SATB2: variants seen among roughly 807,000 people sequenced by gnomAD.
The protein encoded by SATB2 is SATB homeobox 2.
Under a neutral mutation model 73.4 loss-of-function variants are expected in SATB2, and 1 was observed. The ratio of observed to expected loss-of-function variants is 0.01; its 90% CI spans 0.00 to 0.06. The LOEUF (loss-of-function observed/expected upper bound fraction) is 0.06. Among genes scored for constraint, SATB2 ranks in the 10% least tolerant of loss-of-function variants. SATB2 has a pLI of 1.00. For missense variants in SATB2, 459 were observed against 945.8 expected (o/e 0.49, Z 6.75); for synonymous variants, 397 against 367.0 (o/e 1.08, Z -0.93).
intron 10 of SATB2, among the ~76,000 whole-genome samples, chr2:199,303,228 CT>C (rs1258094062): frequency 6.6e-6 from 1 of 152,272 alleles, no homozygotes; most frequent in East Asian, 1.9e-4. Context: ...AATTTCTCAT[CT>C]GTGAAAGTAT....
intron 2 of SATB2, among the ~76,000 whole-genome samples, chr2:199,454,947 C>T (rs1287699161): frequency 6.6e-6 from 1 of 151,926 alleles, no homozygotes; most frequent in Admixed American, 6.6e-5. Context: ...AGAGAAAAAA[C>T]GTTAGAGGCA....
intron 2 of SATB2, among the ~76,000 whole-genome samples, chr2:199,436,607 C>T (rs1311234473): frequency 6.6e-6 from 1 of 151,866 alleles, no homozygotes; most frequent in Non-Finnish European, 1.5e-5. Flanking sequence ...TTTGACCCAT[C>T]TAAACAATTA....
intron 7 of SATB2, among the ~76,000 whole-genome samples, chr2:199,338,530 G>A (rs1688405717): frequency 6.6e-6 from 1 of 152,138 alleles, no homozygotes; most frequent in Non-Finnish European, 1.5e-5. Flanking sequence ...CTTACCAAAA[G>A]TGAGTTTTCT....
At chr2:199,323,661 T>A in intron 9 of SATB2, 142 bp downstream of exon 9, 1 of 967,024 alleles carries the variant, frequency 1.0e-6, no homozygotes, top group Non-Finnish European at 1.6e-6. Flanking sequence ...AAAAGCAAAC[T>A]AGAGTAAAAG....
At chr2:199,453,234 A>G (rs1263068017) in intron 2 of SATB2, among the ~76,000 whole-genome samples, 2 of 152,104 alleles carry the variant, frequency 1.3e-5, no homozygotes, top group African/African-American at 4.8e-5. Context: ...TTTGACAACC[A>G]ATTAACTTGA....
intron 10 of SATB2, among the ~76,000 whole-genome samples, chr2:199,289,366 G>C (rs567882886): frequency 6.6e-6 from 1 of 152,110 alleles, no homozygotes; most frequent in Admixed American, 6.6e-5. Context: ...AGAAATCTCA[G>C]TTCCTAATTC....
At chr2:199,448,396 T>C (rs1382704622) in intron 2 of SATB2, among the ~76,000 whole-genome samples, 1 of 152,090 alleles carries the variant, frequency 6.6e-6, no homozygotes, top group Non-Finnish European at 1.5e-5. Flanking sequence ...AAAGAAAATA[T>C]TTTCTTGTGT....
chr2:199,303,580 G>C (rs185579604), intron 10 of SATB2, among the ~76,000 whole-genome samples: 50 of 152,280 alleles, frequency 3.3e-4, no homozygotes, highest in Non-Finnish European at 2.5e-4. Flanking sequence ...GTTGCCCTGT[G>C]CATGGTGGGA....
intron 7 of SATB2, among the ~76,000 whole-genome samples, chr2:199,333,904 A>C (rs1574515939): frequency 6.6e-6 from 1 of 152,286 alleles, no homozygotes; most frequent in Middle Eastern, 3.4e-3. Context: ...TGGCCCAGCC[A>C]AACCCTAGTA....
chr2:199,456,724 C>A (rs1169205226), intron 1 of SATB2, among the ~76,000 whole-genome samples: 1 of 152,208 alleles, frequency 6.6e-6, no homozygotes, highest in Admixed American at 6.5e-5. Context: ...TCAGAATAAC[C>A]TCCATCACAA....
At chr2:199,411,902 C>A (rs1211254380) in intron 3 of SATB2, among the ~76,000 whole-genome samples, 1 of 152,178 alleles carries the variant, frequency 6.6e-6, no homozygotes, top group Admixed American at 6.5e-5. Context: ...TTCTCCCAGG[C>A]TGATAACCTC....
chr2:199,394,409 T>G (rs2105884930), intron 3 of SATB2, among the ~76,000 whole-genome samples: 1 of 152,312 alleles, frequency 6.6e-6, no homozygotes, highest in Non-Finnish European at 1.5e-5. Context: ...TATTCAGAGC[T>G]TTAAGATATA....
In SATB2 at chr2:199,455,624, A is replaced by G. The variant is rs1692249647; in HGVS notation, c.169+245T>C. Among the ~76,000 whole-genome samples, 1 of 152,250 alleles carries G rather than the reference A, an allele frequency of 6.6e-6. No homozygotes were observed. Among genetic ancestry groups the G allele is most frequent in the Admixed American group, 6.5e-5 (1 of 15,290 alleles). ...TAGCTGGCTGTGACATAAACCTGCC[A>G]ACACCTCAGCACACAGTGGCAAAAT... On this transcript the variant is annotated intron_variant, in intron 2 of 10. Coordinates refer to ENST00000417098, the MANE Select transcript of SATB2 (RefSeq NM_001172509.2). This position sits in a 1 kb window ranked among gnomAD's most constrained non-coding sequence, Gnocchi z 4.1.
intron 9 of SATB2, among the ~76,000 whole-genome samples, chr2:199,313,747 C>T (rs1687656362): frequency 6.6e-6 from 1 of 152,092 alleles, no homozygotes; most frequent in South Asian, 2.1e-4. Flanking sequence ...ATAAAAAATT[C>T]CTAGTTTATC....
chr2:199,313,907 T>A (rs1176027713), intron 9 of SATB2, among the ~76,000 whole-genome samples: 5 of 152,166 alleles, frequency 3.3e-5, no homozygotes, highest in African/African-American at 1.2e-4. Context: ...GTTCCCCTAC[T>A]GACCTTGTGC....
chr2:199,429,430 A>G (rs1691434618), intron 3 of SATB2, among the ~76,000 whole-genome samples: 1 of 152,178 alleles, frequency 6.6e-6, no homozygotes, highest in Non-Finnish European at 1.5e-5. Context: ...TTCACATAAC[A>G]TTTATTAAAG....
intron 7 of SATB2, among the ~76,000 whole-genome samples, chr2:199,338,917 TAA>T (rs564809180): frequency 5.5e-5 from 7 of 128,036 alleles, no homozygotes; most frequent in Admixed American, 3.2e-4. Flanking sequence ...GACTCTGTCT[TAA>T]AAAAAAAAAA....
intron 5 of SATB2, among the ~76,000 whole-genome samples, chr2:199,372,700 C>G (rs553073720): frequency 6.6e-6 from 1 of 152,084 alleles, no homozygotes; most frequent in Non-Finnish European, 1.5e-5. Context: ...CCTCCATCAG[C>G]GACCCCAAGC....
intron 10 of SATB2, among the ~76,000 whole-genome samples, chr2:199,296,301 T>C (rs1693029780): frequency 6.6e-6 from 1 of 152,190 alleles, no homozygotes; most frequent in Non-Finnish European, 1.5e-5. Flanking sequence ...AATACTCAAA[T>C]GGAAATTAGA....
Sources: gnomAD v4.1 joint callset for allele counts (sites outside exome capture counted in the v4.1 genomes callset) on GRCh38, gnomAD v4.1.1 for gene constraint, Gnocchi (gnomAD v3.1) non-coding constraint, MANE v1.5 for transcripts, NCBI Gene and HGNC (gene_info 2026-07-23, HGNC 2026-07-21) for gene names.